ADGRB3: variants seen among roughly 807,000 people sequenced by gnomAD.
ADGRB3 encodes the protein adhesion G protein-coupled receptor B3, also known as brain-specific angiogenesis inhibitor 3.
ADGRB3 carries 37 observed loss-of-function variants against 193.4 expected under a neutral mutation model. The observed-to-expected ratio is 0.19, with a 90% CI of 0.15 to 0.25. The LOEUF is 0.25. ADGRB3 is among the 10% of genes least tolerant of loss of function. The pLI is 1.00. For synonymous variants in ADGRB3, 690 were observed against 644.2 expected (o/e 1.07, Z -1.08); for missense variants, 1,637 against 1,852.9 (o/e 0.88, Z 2.14).
At chr6:69,119,949 G>A (rs538152064) in intron 17 of ADGRB3, among the ~76,000 whole-genome samples, 1 of 152,258 alleles carries the variant, frequency 6.6e-6, no homozygotes, top group African/African-American at 2.4e-5. Context: ...GTCTATTTCA[G>A]TGAGCCAGAT....
chr6:68,884,546 G>T (rs936956896), intron 3 of ADGRB3, among the ~76,000 whole-genome samples: 3 of 152,116 alleles, frequency 2.0e-5, no homozygotes, highest in African/African-American at 4.8e-5. Flanking sequence ...GAAAACCCCT[G>T]AGACATGAAA....
At chr6:69,218,224 TCAGGAC>T in intron 17 of ADGRB3, among the ~76,000 whole-genome samples, 1 of 152,240 alleles carries the variant, frequency 6.6e-6, no homozygotes, top group Admixed American at 6.5e-5. Flanking sequence ...CCCATTAACG[TCAGGAC>T]TGATTCTGGT....
intron 3 of ADGRB3, among the ~76,000 whole-genome samples, chr6:68,736,989 A>T (rs1765885486): frequency 6.6e-6 from 1 of 152,124 alleles, no homozygotes; most frequent in African/African-American, 2.4e-5. Context: ...AAGTTGTAAT[A>T]AACATTTTCC....
intron 17 of ADGRB3, among the ~76,000 whole-genome samples, chr6:69,095,479 T>G (rs1169589282): frequency 6.6e-6 from 1 of 152,136 alleles, no homozygotes; most frequent in Admixed American, 6.6e-5. Flanking sequence ...ACACCCAACA[T>G]ATTTAGTTAG....
intron 11 of ADGRB3, among the ~76,000 whole-genome samples, chr6:69,003,747 A>G (rs1258166747): frequency 6.6e-6 from 1 of 152,212 alleles, no homozygotes; most frequent in Admixed American, 6.5e-5. Context: ...TGGGTGAAAT[A>G]TGAAGCAATA....
intron 17 of ADGRB3, among the ~76,000 whole-genome samples, chr6:69,143,134 T>C (rs1774386774): frequency 6.6e-6 from 1 of 152,238 alleles, no homozygotes; most frequent in Admixed American, 6.5e-5. Context: ...TGATGATCAA[T>C]GATATTGAGC....
chr6:68,680,346 A>T (rs1764871662), intron 3 of ADGRB3, among the ~76,000 whole-genome samples: 1 of 152,220 alleles, frequency 6.6e-6, no homozygotes, highest in Non-Finnish European at 1.5e-5. Context: ...TAGAGGCAGT[A>T]AAAATAGATC....
chr6:68,835,926 G>A (rs1026290614), intron 3 of ADGRB3, among the ~76,000 whole-genome samples: 1 of 152,084 alleles, frequency 6.6e-6, no homozygotes, highest in Non-Finnish European at 1.5e-5. Context: ...TGGGCTATTA[G>A]CTGGTGGATC....
intron 4 of ADGRB3, 117 bp from the exon 5 acceptor site, chr6:68,936,402 A>G: frequency 2.8e-6 from 3 of 1,065,618 alleles, no homozygotes; most frequent in South Asian, 3.4e-5. Flanking sequence ...CTTTTGATGT[A>G]TGGTCATATT....
intron 3 of ADGRB3, among the ~76,000 whole-genome samples, chr6:68,883,504 C>T (rs1341900416): frequency 6.6e-6 from 1 of 152,182 alleles, no homozygotes; most frequent in East Asian, 1.9e-4. Flanking sequence ...TCTGTACTGC[C>T]TTTATGAGCT....
At chr6:68,838,938 AG>A (rs1768095868) in intron 3 of ADGRB3, among the ~76,000 whole-genome samples, 1 of 152,182 alleles carries the variant, frequency 6.6e-6, no homozygotes, top group Admixed American at 6.6e-5. Context: ...CTAATAGTGA[AG>A]CCAAATTGGC....
At chr6:69,341,583 G>T (rs540574546) in intron 26 of ADGRB3, among the ~76,000 whole-genome samples, 1 of 152,016 alleles carries the variant, frequency 6.6e-6, no homozygotes, top group East Asian at 1.9e-4. Context: ...TATTCCCTTA[G>T]CAAGTTTCTA....
chr6:69,014,640 A>G (rs1367411696), intron 12 of ADGRB3, among the ~76,000 whole-genome samples: 2 of 152,058 alleles, frequency 1.3e-5, no homozygotes, highest in African/African-American at 4.8e-5. Context: ...TATTGTTTAT[A>G]AATGCTTTGC....
chr6:68,825,773 G>T (rs1030369673), intron 3 of ADGRB3, among the ~76,000 whole-genome samples: 2 of 152,194 alleles, frequency 1.3e-5, no homozygotes, highest in East Asian at 3.9e-4. Flanking sequence ...GCCTTGTGAA[G>T]AAAGTGCCTT....
intron 13 of ADGRB3, among the ~76,000 whole-genome samples, chr6:69,021,377 A>C (rs1370322402): frequency 6.6e-6 from 1 of 151,902 alleles, no homozygotes; most frequent in Non-Finnish European, 1.5e-5. Flanking sequence ...GAATGCCAAA[A>C]TGACCATGCA....
At chr6:69,249,549 T>C (rs903411496) in intron 20 of ADGRB3, among the ~76,000 whole-genome samples, 12 of 152,314 alleles carry the variant, frequency 7.9e-5, no homozygotes, top group African/African-American at 2.9e-4. Flanking sequence ...CTGACAGTCT[T>C]GGGCAGAGAA....
chr6:69,215,953 T>C (rs919396535), intron 17 of ADGRB3, among the ~76,000 whole-genome samples: 3 of 152,206 alleles, frequency 2.0e-5, no homozygotes, highest in African/African-American at 7.2e-5. Flanking sequence ...TCAAATCTCC[T>C]ATCTACCTTG....
chr6:69,249,660 T>C (rs1469041502), intron 20 of ADGRB3, among the ~76,000 whole-genome samples: 1 of 152,206 alleles, frequency 6.6e-6, no homozygotes, highest in African/African-American at 2.4e-5. Context: ...ACCTCTATCC[T>C]ATCTCACCCT....
At chr6:68,992,818 C>T (rs1021956370) in intron 10 of ADGRB3, among the ~76,000 whole-genome samples, 2 of 152,114 alleles carry the variant, frequency 1.3e-5, no homozygotes, top group Non-Finnish European at 1.5e-5. Context: ...TTTGTTGGCA[C>T]AGTTCTTGAT....
Sources: gnomAD v4.1 joint callset for allele counts (sites outside exome capture counted in the v4.1 genomes callset) on GRCh38, gnomAD v4.1.1 for gene constraint, MANE v1.5 for transcripts, NCBI Gene and HGNC (gene_info 2026-07-23, HGNC 2026-07-21) for gene names.